SRPRB: variants seen among roughly 807,000 people sequenced by gnomAD.
SRPRB encodes the protein signal recognition particle receptor subunit beta.
SRPRB carries 20 observed loss-of-function variants against 31.9 expected under a neutral mutation model. That is an observed-to-expected ratio of 0.63 (90% confidence interval 0.44 to 0.91). SRPRB has a LOEUF of 0.91. SRPRB is among the 40% of genes least tolerant of loss of function. The pLI, the probability that SRPRB is intolerant of heterozygous loss-of-function variation, is 0.00. For synonymous variants in SRPRB, 146 were observed against 132.8 expected (o/e 1.10, Z -0.68); for missense variants, 321 against 324.9 (o/e 0.99, Z 0.09).
chr3:133,789,824 G>T (rs1043977529), intron 1 of SRPRB: 1 of 148,462 alleles, frequency 6.7e-6, no homozygotes, highest in Non-Finnish European at 1.5e-5. Context: ...GTTAGGGTTT[G>T]GCATAGAAGG....
At chr3:133,816,972 A>G in intron 6 of SRPRB, 40 bp downstream of exon 6, 2 of 1,536,694 alleles carry the variant, frequency 1.3e-6, no homozygotes, top group Non-Finnish European at 1.8e-6. Context: ...TATATATCTT[A>G]ACACTTAGAC....
At chr3:133,822,497 C>T (rs1174679373), downstream of SRPRB, among the ~76,000 whole-genome samples, 1 of 152,176 alleles carries the variant, frequency 6.6e-6, no homozygotes, top group East Asian at 1.9e-4. Flanking sequence ...TCTCCACTAC[C>T]AGGTGCCTGA....
upstream of SRPRB, among the ~76,000 whole-genome samples, chr3:133,804,095 CAAA>C (rs1205426598): frequency 1.7e-5 from 1 of 58,288 alleles, no homozygotes; most frequent in Admixed American, 2.1e-4. Context: ...GACTCTGTCT[CAAA>C]AAAAAAAAAA....
chr3:133,817,727 T>A (rs1471683744), intron 6 of SRPRB, among the ~76,000 whole-genome samples: 1 of 152,128 alleles, frequency 6.6e-6, no homozygotes. Flanking sequence ...TTTAGAAACT[T>A]TTCTCCCCAC....
intron 4 of SRPRB, among the ~76,000 whole-genome samples, chr3:133,811,928 G>C (rs766718203): frequency 2.0e-5 from 3 of 152,094 alleles, no homozygotes; most frequent in Non-Finnish European, 4.4e-5. Context: ...AAGAAGTACA[G>C]AACAATATTT....
intron 2 of SRPRB, 137 bp downstream of exon 2, chr3:133,806,840 G>T (rs1935170968): frequency 1.5e-6 from 1 of 659,190 alleles, no homozygotes; most frequent in Non-Finnish European, 2.6e-6. Flanking sequence ...ACTTACTTGG[G>T]AGAACAAAAA....
intron 1 of SRPRB, 74 bp downstream of exon 1, chr3:133,806,076 C>A: frequency 1.3e-6 from 2 of 1,544,276 alleles, no homozygotes; most frequent in African/African-American, 1.4e-5. Flanking sequence ...CGCTGCAGGC[C>A]GGGGACGCGG....
upstream of SRPRB, among the ~76,000 whole-genome samples, chr3:133,802,109 A>T (rs555031624): frequency 8.5e-5 from 13 of 152,344 alleles, no homozygotes; most frequent in East Asian, 2.5e-3. Context: ...AGAATTAAAC[A>T]AATTAATACA....
At chr3:133,811,885 A>G (rs781025139) in intron 4 of SRPRB, among the ~76,000 whole-genome samples, 2 of 152,146 alleles carry the variant, frequency 1.3e-5, no homozygotes, top group Non-Finnish European at 2.9e-5. Flanking sequence ...CCTGGCCCAT[A>G]TATATTCTCA....
intron 1 of SRPRB, chr3:133,790,853 A>T (rs147698463): frequency 4.6e-5 from 7 of 152,272 alleles, no homozygotes; most frequent in Non-Finnish European, 8.8e-5. Flanking sequence ...GAACTTAAGG[A>T]TACTGAATTG....
At chr3:133,827,581 G>A (rs924203898), downstream of SRPRB, 15 of 332,640 alleles carry the variant, frequency 4.5e-5, no homozygotes, top group Admixed American at 2.3e-4. Context: ...TGACCACAGC[G>A]CAGCCACAGT....
At position 133,807,733 on chromosome 3, in the gene SRPRB, G is replaced by GT. The variant is rs765463225; in HGVS notation, c.250-5dup. 368 of 1,588,730 alleles carry GT rather than the reference G, an allele frequency of 2.3e-4. No individual in the cohort carries two copies. In the Admixed American group the frequency reaches 3.0e-3, roughly 13 times the overall value. ...TAAAATGTTGAATATCACCCATCTT[G>GT]TTTTTTTTACAGTTGTTAACAGGCC... On this transcript the variant is annotated splice_polypyrimidine_tract_variant and intron_variant, in intron 2 of 6. Coordinates refer to ENST00000678299, the MANE Select transcript of SRPRB (RefSeq NM_001379313.1).
chr3:133,802,014 T>G (rs531176586), upstream of SRPRB, among the ~76,000 whole-genome samples: 5 of 152,234 alleles, frequency 3.3e-5, no homozygotes, highest in Non-Finnish European at 7.3e-5. Flanking sequence ...AAGTCCCAAG[T>G]CTGCTCATTA....
At position 133,815,727 on chromosome 3, in the gene SRPRB, G is replaced by A; in HGVS notation, c.547+1G>A. ...TTCTTAATAGCCTGCAATAAGCAAGGTGCCATCATGTTTTCTTGCAATAAT... is the reference window on the plus strand; with the variant it reads ...TTCTTAATAGCCTGCAATAAGCAAGATGCCATCATGTTTTCTTGCAATAAT... On this transcript the variant is annotated splice_donor_variant, in intron 5 of 6. Transcript: ENST00000678299. LOFTEE classifies it high-confidence loss of function. The A allele has an allele frequency of 6.2e-7, 1 of 1,610,908 alleles. No individual in the cohort carries two copies. Among genetic ancestry groups the A allele is most frequent in the South Asian group, 1.1e-5 (1 of 90,604 alleles).
downstream of SRPRB, chr3:133,825,397 C>T (rs954505268): frequency 2.0e-5 from 3 of 152,252 alleles, no homozygotes; most frequent in African/African-American, 7.2e-5. Flanking sequence ...GCCAGAGATA[C>T]TGAAACTGGT....
rs1553743626 is a variant in SRPRB, at chr3:133,806,653, G to A, written c.199G>A (p.Val67Ile). 3.1e-6 allele frequency: 5 copies of A among 1,614,132 alleles called. No homozygotes were observed. The highest frequency in any genetic ancestry group is 4.2e-6 in the Non-Finnish European group (5 of 1,179,994). ...IRSRRSSQRA[V>I]LLVGLCDSGK... is the part of the protein sequence containing the mutation. ...GAGCAGAAGGAGCAGTCAGAGAGCT[G>A]TTCTTCTTGTTGGCCTTTGTGATTC... The change falls in exon 2 of 7, where the codon GTT (valine) becomes ATT (isoleucine). Residue 67 changes from valine to isoleucine, a missense_variant. By Grantham distance (29) the Val-to-Ile change is conservative. Transcript: ENST00000678299.
At position 133,789,877 on chromosome 3, in the gene SRPRB, GCGTTTTTTTT is replaced by G. The variant is rs1246575605; in HGVS notation, c.-174+5734_-174+5743del. ...CAGCCAAAACAAAACGATCTCGTTTGCGTTTTTTTTTTTTTTTTTTTTTTTTTTTTTGACA... is the reference window on the plus strand; with the variant it reads ...CAGCCAAAACAAAACGATCTCGTTTGTTTTTTTTTTTTTTTTTTTTTGACA... On this transcript the variant is annotated intron_variant, in intron 1 of 7. Transcript: ENST00000466490. 3 of 79,692 alleles carry G rather than the reference GCGTTTTTTTT, an allele frequency of 3.8e-5. No homozygotes were observed. In the East Asian group the frequency reaches 9.8e-4, roughly 26 times the overall value. The allele number at this position is 79,692 out of a possible 1,614,324, so 4.9% of individuals were successfully genotyped here.
rs532194680 is a variant in SRPRB at position 133,806,570 on chromosome 3, A to C, written c.155-39A>C. On this transcript the variant is annotated intron_variant, in intron 1 of 6. Coordinates refer to ENST00000678299, the MANE Select transcript of SRPRB (RefSeq NM_001379313.1). ...AGCCATGCACATATACTGATTCCCA[A>C]GGCGTAATTTTTGTTGTTTTTCTCT... The C allele has an allele frequency of 2.0e-4, 315 of 1,545,848 alleles. 2 individuals are homozygous for C. The South Asian group carries it at 3.4e-3, about 17-fold the overall frequency.
chr3:133,801,077 G>A (rs1209111841), upstream of SRPRB, among the ~76,000 whole-genome samples: 1 of 151,974 alleles, frequency 6.6e-6, no homozygotes, highest in Admixed American at 6.6e-5. Context: ...TCCTCTAAAC[G>A]TTTTTTTAAA....
Sources: gnomAD v4.1 joint callset for allele counts (sites outside exome capture counted in the v4.1 genomes callset) on GRCh38, gnomAD v4.1.1 for gene constraint, MANE v1.5 for transcripts, NCBI Gene and HGNC (gene_info 2026-07-23, HGNC 2026-07-21) for gene names.